Variants in GRXCR1 observed in about 807,000 individuals in gnomAD.
GRXCR1 encodes the protein glutaredoxin domain-containing cysteine-rich protein 1.
GRXCR1 carries 27 observed loss-of-function variants against 27.3 expected under a neutral mutation model. That is an observed-to-expected ratio of 0.99 (90% confidence interval 0.73 to 1.37). The LOEUF (loss-of-function observed/expected upper bound fraction) is 1.37, where lower values mean the gene tolerates loss of function less well. Among genes scored for constraint, GRXCR1 ranks in the 40% most tolerant of loss-of-function variants. The probability of loss-of-function intolerance (pLI) is 0.00; values close to 1 mark genes in which losing one functional copy is unlikely to be tolerated. For synonymous variants in GRXCR1, 122 were observed against 131.1 expected (o/e 0.93, Z 0.47); for missense variants, 379 against 354.4 (o/e 1.07, Z -0.56).
chr4:42,941,236 A>G (rs1329496568), intron 1 of GRXCR1, among the ~76,000 whole-genome samples: 1 of 152,000 alleles, frequency 6.6e-6, no homozygotes, highest in Non-Finnish European at 1.5e-5. Flanking sequence ...TGCCCTAAGC[A>G]AATGTTAACA....
chr4:42,998,163 T>C (rs187733370), intron 2 of GRXCR1, among the ~76,000 whole-genome samples: 2 of 152,286 alleles, frequency 1.3e-5, no homozygotes, highest in Non-Finnish European at 2.9e-5. Flanking sequence ...CAGGAGATGA[T>C]AGAGCAAAGT....
chr4:42,894,332 T>C (rs1319832323), intron 1 of GRXCR1, among the ~76,000 whole-genome samples: 2 of 152,136 alleles, frequency 1.3e-5, no homozygotes, highest in African/African-American at 4.8e-5. Flanking sequence ...AAATATATTA[T>C]TCAGGTATTG....
At chr4:43,008,432 AG>A (rs1712633801) in intron 2 of GRXCR1, among the ~76,000 whole-genome samples, 1 of 152,232 alleles carries the variant, frequency 6.6e-6, no homozygotes, top group African/African-American at 2.4e-5. Context: ...TGCCTTTACA[AG>A]TGGCACAAGC....
chr4:43,024,197 C>CTTTTTTTTTTTTTTTTTTTTT (rs60704333), intron 3 of GRXCR1, among the ~76,000 whole-genome samples: 1 of 94,262 alleles, frequency 1.1e-5, no homozygotes, highest in African/African-American at 4.4e-5. Flanking sequence ...ATTTTCTGTC[C>CTTTTTTTTTTTTTTTTTTTTT]TTTTTTTTTT....
rs13131203 is a variant in GRXCR1 at position 42,903,374 on chromosome 4, T to G, written c.384+9724T>G. Among the ~76,000 whole-genome samples the G allele has an allele frequency of 7.4e-5, 10 of 135,738 alleles. 1 individual carries two copies. Among genetic ancestry groups the G allele is most frequent in the African/African-American group, 2.2e-4 (8 of 37,112 alleles). 89.0% of individuals were successfully genotyped at this position (135,738 alleles called of 152,430 possible). On this transcript the variant is annotated intron_variant, in intron 1 of 3. Coordinates refer to ENST00000399770, the MANE Select transcript of GRXCR1 (RefSeq NM_001080476.3). ...TCACCCAGGCTGGAGTGCAGTGGCA[T>G]GATCTCGGCTCACTGCAAGCTCTGC...
chr4:43,004,849 G>A (rs1201524771), intron 2 of GRXCR1, among the ~76,000 whole-genome samples: 3 of 152,148 alleles, frequency 2.0e-5, no homozygotes, highest in Non-Finnish European at 2.9e-5. Context: ...ATGAGATTGT[G>A]GACATGGACG....
chr4:43,026,279 G>C (rs1342413186), intron 3 of GRXCR1, among the ~76,000 whole-genome samples: 5 of 152,120 alleles, frequency 3.3e-5, no homozygotes. Flanking sequence ...GGTTTTCTTT[G>C]TACAGAACCC....
At chr4:42,976,961 C>A (rs1262930654) in intron 2 of GRXCR1, among the ~76,000 whole-genome samples, 1 of 151,996 alleles carries the variant, frequency 6.6e-6, no homozygotes, top group East Asian at 1.9e-4. Flanking sequence ...AATATCTCTA[C>A]AATTATCCAT....
In GRXCR1 at chr4:42,953,111, T is replaced by A. The variant is rs140860412; in HGVS notation, c.385-9781T>A. Among the ~76,000 whole-genome samples the A allele has an allele frequency of 1.8e-3, 280 of 152,266 alleles. 2 individuals carry two copies. The highest frequency in any genetic ancestry group is 6.5e-3 in the African/African-American group (270 of 41,550). On this transcript the variant is annotated intron_variant, in intron 1 of 3. Transcript: ENST00000399770. ...GTTGCATGTCTGAGGGCCAAGACTC[T>A]GGATTGTAGCAAACTTACCAGGTTG...
chr4:42,925,928 G>A (rs1747146731), intron 1 of GRXCR1, among the ~76,000 whole-genome samples: 1 of 151,900 alleles, frequency 6.6e-6, no homozygotes, highest in African/African-American at 2.4e-5. Context: ...TTTGGGTGGG[G>A]GAAGTTCAGA....
At chr4:42,947,241 C>G (rs1306410947) in intron 1 of GRXCR1, among the ~76,000 whole-genome samples, 2 of 152,016 alleles carry the variant, frequency 1.3e-5, no homozygotes, top group Non-Finnish European at 2.9e-5. Context: ...CTGAGAGACT[C>G]TGAGAACCAG....
chr4:42,973,181 C>A (rs1457860075), intron 2 of GRXCR1, among the ~76,000 whole-genome samples: 1 of 152,092 alleles, frequency 6.6e-6, no homozygotes, highest in African/African-American at 2.4e-5. Flanking sequence ...TCTGTGCAAA[C>A]CCCTCCAGTT....
At position 43,027,475 on chromosome 4, in the gene GRXCR1, A is replaced by G. The variant is rs182279072; in HGVS notation, c.694-2886A>G. Among the ~76,000 whole-genome samples the G allele has an allele frequency of 9.8e-5, 15 of 152,358 alleles. No homozygotes were observed. In the East Asian group the frequency reaches 2.9e-3, roughly 29 times the overall value. ...AACATTTGATATTTTAGCCTTTGAA[A>G]GTAATATTTGTAAGTGATGTTGTAG... On this transcript the variant is annotated intron_variant, in intron 3 of 3. Coordinates refer to ENST00000399770, the MANE Select transcript of GRXCR1 (RefSeq NM_001080476.3).
intron 1 of GRXCR1, among the ~76,000 whole-genome samples, chr4:42,905,502 C>A (rs1746567426): frequency 6.6e-6 from 1 of 152,202 alleles, no homozygotes; most frequent in Admixed American, 6.5e-5. Context: ...TTTATTACAT[C>A]ATTTAAGACA....
chr4:43,019,843 A>G (rs1713042436), intron 2 of GRXCR1, among the ~76,000 whole-genome samples: 1 of 152,200 alleles, frequency 6.6e-6, no homozygotes, highest in African/African-American at 2.4e-5. Context: ...AGGAGATGAT[A>G]TTTATGCCAA....
At chr4:42,955,492 G>A (rs1405692975) in intron 1 of GRXCR1, among the ~76,000 whole-genome samples, 4 of 152,048 alleles carry the variant, frequency 2.6e-5, no homozygotes, top group Admixed American at 2.0e-4. Flanking sequence ...TGGAAAGCAC[G>A]TGGACTTTGG....
intron 2 of GRXCR1, among the ~76,000 whole-genome samples, chr4:43,012,999 T>A (rs1712808963): frequency 6.6e-6 from 1 of 152,134 alleles, no homozygotes; most frequent in Non-Finnish European, 1.5e-5. Context: ...ACAGTCAGAA[T>A]GGCTGTTATA....
At chr4:42,969,392 C>G (rs148103635) in intron 2 of GRXCR1, among the ~76,000 whole-genome samples, 5 of 152,120 alleles carry the variant, frequency 3.3e-5, no homozygotes, top group Admixed American at 1.3e-4. Context: ...GTTTAATTGA[C>G]TCACAGTCCT....
At chr4:42,963,571 T>C (rs1193934592) in intron 2 of GRXCR1, among the ~76,000 whole-genome samples, 1 of 151,818 alleles carries the variant, frequency 6.6e-6, no homozygotes, top group Non-Finnish European at 1.5e-5. Context: ...CAATAAGAAA[T>C]GGGGCCTGGA....
Sources: allele counts gnomAD v4.1 joint callset (sites outside exome capture counted in the v4.1 genomes callset), GRCh38; gene constraint gnomAD v4.1.1; transcripts MANE v1.5; gene names NCBI Gene and HGNC (gene_info 2026-07-23, HGNC 2026-07-21).